The following NT5DC1 variants were observed in gnomAD, a reference collection of about 807,000 sequenced individuals.
NT5DC1 encodes 5'-nucleotidase domain containing 1.
A neutral mutation model predicts 59.4 loss-of-function variants in NT5DC1; 42 were observed. The ratio of observed to expected loss-of-function variants is 0.71; its 90% confidence interval spans 0.55 to 0.92. NT5DC1 has a LOEUF of 0.92. Among genes scored for constraint, NT5DC1 ranks in the 40% least tolerant of loss-of-function variants. NT5DC1 has a pLI of 0.00. For missense variants in NT5DC1, 501 were observed against 537.1 expected (o/e 0.93, Z 0.66); for synonymous variants, 172 against 188.1 (o/e 0.91, Z 0.70).
chr6:116,151,553 T>G (rs1349221188), intron 6 of NT5DC1, among the ~76,000 whole-genome samples: 2 of 152,248 alleles, frequency 1.3e-5, no homozygotes, highest in African/African-American at 4.8e-5. Context: ...TATTAAGTAA[T>G]GTATATATGT....
intron 6 of NT5DC1, chr6:116,121,106 G>C: frequency 6.2e-7 from 1 of 1,613,858 alleles, no homozygotes; most frequent in Non-Finnish European, 8.5e-7. Context: ...AGGGGGTCCA[G>C]TCAGACCTGG....
At chr6:116,228,391 C>G (rs1781948463) in intron 8 of NT5DC1, among the ~76,000 whole-genome samples, 1 of 152,074 alleles carries the variant, frequency 6.6e-6, no homozygotes, top group South Asian at 2.1e-4. Context: ...GCCTGTAATC[C>G]CAGCTACTAG....
chr6:116,217,117 G>A (rs935420550), intron 6 of NT5DC1, among the ~76,000 whole-genome samples: 1 of 152,130 alleles, frequency 6.6e-6, no homozygotes, highest in Non-Finnish European at 1.5e-5. Flanking sequence ...GATAGAAATA[G>A]TGATGTGGCA....
intron 6 of NT5DC1, among the ~76,000 whole-genome samples, chr6:116,128,216 A>G (rs182568923): frequency 1.6e-4 from 24 of 152,054 alleles, no homozygotes; most frequent in African/African-American, 5.8e-4. Flanking sequence ...TGGACATTCA[A>G]CCCTTTTTGC....
At position 116,165,098 on chromosome 6, in the gene NT5DC1, G is replaced by GA. The variant is rs71554841; in HGVS notation, c.529+47173dup. 6.6e-3 allele frequency among the ~76,000 whole-genome samples: 671 copies of GA among 101,040 alleles called. 11 individuals carry two copies. The highest frequency in any genetic ancestry group is 0.016 in the Middle Eastern group (3 of 190). 66.3% of individuals were successfully genotyped at this position (101,040 alleles called of 152,430 possible). A position where few individuals can be genotyped will look rare whatever the true frequency, so the allele number is the denominator to read the frequency against. ...GGCGACAGAGCGAGACTCCGTCTCA[G>GA]AAAAAAAAAAAAAAAAAAAATTATT... On this transcript the variant is annotated intron_variant, in intron 6 of 11. Coordinates refer to ENST00000319550, the MANE Select transcript of NT5DC1 (RefSeq NM_152729.3).
intron 6 of NT5DC1, chr6:116,121,831 C>T (rs1430972011): frequency 1.9e-6 from 3 of 1,613,958 alleles, no homozygotes; most frequent in Admixed American, 1.7e-5. Flanking sequence ...GTCCTGGCAA[C>T]CCTGGCTCTC....
chr6:116,116,610 C>T (rs752808054), intron 5 of NT5DC1, among the ~76,000 whole-genome samples: 3 of 152,122 alleles, frequency 2.0e-5, no homozygotes, highest in African/African-American at 4.8e-5. Flanking sequence ...CCACTGCACT[C>T]TAGCCTGGGC....
intron 6 of NT5DC1, chr6:116,119,949 A>G: frequency 1.0e-6 from 1 of 956,682 alleles, no homozygotes; most frequent in East Asian, 2.4e-5. Flanking sequence ...TGATAGCTCA[A>G]ATCTGTATTT....
chr6:116,140,191 A>G (rs1270468308), intron 6 of NT5DC1, among the ~76,000 whole-genome samples: 2 of 152,128 alleles, frequency 1.3e-5, no homozygotes, highest in African/African-American at 4.8e-5. Context: ...GGTATTTTCA[A>G]GTATTCCTCT....
At chr6:116,182,064 C>A (rs1168371333) in intron 6 of NT5DC1, among the ~76,000 whole-genome samples, 1 of 151,974 alleles carries the variant, frequency 6.6e-6, no homozygotes, top group East Asian at 1.9e-4. Context: ...GTGTATTATT[C>A]TTATGCCTTT....
At chr6:116,107,708 G>A (rs1469222023) in intron 2 of NT5DC1, among the ~76,000 whole-genome samples, 1 of 151,360 alleles carries the variant, frequency 6.6e-6, no homozygotes, top group African/African-American at 2.4e-5. Context: ...GAGTAGCTGG[G>A]ACTACAGGCG....
chr6:116,112,276 T>G (rs556591145), intron 4 of NT5DC1, among the ~76,000 whole-genome samples: 1 of 152,252 alleles, frequency 6.6e-6, no homozygotes, highest in South Asian at 2.1e-4. Flanking sequence ...AGAGGCCCAT[T>G]GTTTTTGCAA....
intron 6 of NT5DC1, chr6:116,125,298 A>G: frequency 6.2e-7 from 1 of 1,601,630 alleles, no homozygotes; most frequent in Non-Finnish European, 8.5e-7. Context: ...AGAAAGCAAC[A>G]AGCAACTTGT....
At chr6:116,227,437 A>G (rs1383129255) in intron 8 of NT5DC1, among the ~76,000 whole-genome samples, 1 of 152,154 alleles carries the variant, frequency 6.6e-6, no homozygotes, top group Non-Finnish European at 1.5e-5. Flanking sequence ...ATGGGAGTGC[A>G]GATAGCTCAA....
Position 116,119,675 on chromosome 6 carries a change from C to T in NT5DC1, c.529+1730C>T, listed in dbSNP as rs564123218. 16 of 180,644 alleles carry T rather than the reference C, an allele frequency of 8.9e-5. No homozygotes were observed. The East Asian group carries it at 2.2e-3, about 25-fold the overall frequency. The allele number at this position is 180,644 out of a possible 1,614,324, so 11.2% of individuals were successfully genotyped here. A position where few individuals can be genotyped will look rare whatever the true frequency, so the allele number is the denominator to read the frequency against. Reference sequence around the variant, plus strand: ...AAGTTCTCATATTCATAGTTAGAAACAGGCTTTTTTAAAAAGGAAATGCCG... The same window carrying T: ...AAGTTCTCATATTCATAGTTAGAAATAGGCTTTTTTAAAAAGGAAATGCCG... On this transcript the variant is annotated intron_variant, in intron 6 of 11. Transcript: ENST00000319550.
intron 6 of NT5DC1, among the ~76,000 whole-genome samples, chr6:116,178,697 A>G (rs75848805): frequency 0.016 from 2,366 of 152,350 alleles, 26 homozygotes; most frequent in Non-Finnish European, 0.024. Flanking sequence ...TTGTACTTCC[A>G]GAAATATAGA....
chr6:116,125,505 A>T, intron 6 of NT5DC1: 3 of 1,613,142 alleles, frequency 1.9e-6, no homozygotes, highest in Non-Finnish European at 1.7e-6. Context: ...TCTCAGATGG[A>T]TTCTGAAAAA....
chr6:116,148,493 C>T (rs1779952253), intron 6 of NT5DC1, among the ~76,000 whole-genome samples: 1 of 152,044 alleles, frequency 6.6e-6, no homozygotes, highest in Non-Finnish European at 1.5e-5. Flanking sequence ...CTGGTACTAC[C>T]CAATCTTGCA....
chr6:116,140,246 G>A (rs1779733499), intron 6 of NT5DC1, among the ~76,000 whole-genome samples: 1 of 152,018 alleles, frequency 6.6e-6, no homozygotes, highest in Admixed American at 6.6e-5. Flanking sequence ...ATCAACTTAT[G>A]CTTATGTTCC....
Sources: gnomAD v4.1 joint callset for allele counts (sites outside exome capture counted in the v4.1 genomes callset) on GRCh38, gnomAD v4.1.1 for gene constraint, MANE v1.5 for transcripts, NCBI Gene and HGNC (gene_info 2026-07-23, HGNC 2026-07-21) for gene names.